The following RGS3 variants were observed in gnomAD, a reference collection of about 807,000 sequenced individuals.
The protein encoded by RGS3 is regulator of G-protein signalling 3.
A neutral mutation model predicts 132.6 loss-of-function variants in RGS3; 80 were observed. That is an observed-to-expected ratio of 0.60 (90% CI 0.50 to 0.73). The LOEUF is 0.73. RGS3 is among the 30% of genes least tolerant of loss of function. The probability of loss-of-function intolerance (pLI) is 0.00; values close to 1 mark genes in which losing one functional copy is unlikely to be tolerated. For missense variants in RGS3, 1,382 were observed against 1,530.8 expected (o/e 0.90, Z 1.62); for synonymous variants, 598 against 620.6 (o/e 0.96, Z 0.54).
intron 1 of RGS3, among the ~76,000 whole-genome samples, chr9:113,448,881 G>A (rs1024681772): frequency 2.0e-5 from 3 of 152,206 alleles, no homozygotes; most frequent in African/African-American, 7.2e-5. Context: ...ACCATTTAAG[G>A]CTGGGTTGGG....
chr9:113,512,380 C>T (rs1355091160), intron 14 of RGS3, among the ~76,000 whole-genome samples: 1 of 152,196 alleles, frequency 6.6e-6, no homozygotes, highest in Non-Finnish European at 1.5e-5. Context: ...GGCTCATGCT[C>T]ATTCTACTCC....
intron 6 of RGS3, 139 bp from the exon 5 acceptor site, chr9:113,485,482 TCTTA>T (rs1422388354): frequency 1.7e-6 from 1 of 603,356 alleles, no homozygotes; most frequent in Admixed American, 2.8e-5. Context: ...GGTAGTCATC[TCTTA>T]CTTTATTTGT....
At chr9:113,486,562 A>G (rs992514983) in intron 7 of RGS3, among the ~76,000 whole-genome samples, 1 of 152,226 alleles carries the variant, frequency 6.6e-6, no homozygotes, top group South Asian at 2.1e-4. Context: ...ACAGCAATGC[A>G]CTGCCATGGC....
upstream of RGS3, among the ~76,000 whole-genome samples, chr9:113,456,820 G>A (rs533994255): frequency 6.6e-6 from 1 of 151,238 alleles, no homozygotes; most frequent in African/African-American, 2.4e-5. Context: ...TTTTTTTTGA[G>A]ACAGAGTTTC....
At chr9:113,489,931 TC>T (rs1204475133) in intron 7 of RGS3, among the ~76,000 whole-genome samples, 1 of 152,198 alleles carries the variant, frequency 6.6e-6, no homozygotes, top group African/African-American at 2.4e-5. Flanking sequence ...ATTCTCACGA[TC>T]CTTCCAGGGA....
At chr9:113,536,761 C>G (rs1251339193) in intron 18 of RGS3, 35 bp from the exon 17 acceptor site, 2 of 1,608,028 alleles carry the variant, frequency 1.2e-6, no homozygotes, top group Admixed American at 3.3e-5. Flanking sequence ...GGGAGCAGCC[C>G]TGACCGTCCG....
At chr9:113,541,815 A>G in intron 19 of RGS3, 1 of 994,532 alleles carries the variant, frequency 1.0e-6, no homozygotes, top group South Asian at 4.5e-5. Flanking sequence ...TGCTGCTGCC[A>G]GAGGACATCT....
intron 3 of RGS3, among the ~76,000 whole-genome samples, chr9:113,469,245 G>T (rs1364037549): frequency 6.6e-6 from 1 of 152,080 alleles, no homozygotes; most frequent in Non-Finnish European, 1.5e-5. Context: ...CTGAACTGGA[G>T]GCCTTCAATG....
At chr9:113,482,857 C>T (rs558014010) in intron 4 of RGS3, 3 of 1,369,740 alleles carry the variant, frequency 2.2e-6, no homozygotes, top group Non-Finnish European at 2.9e-6. Flanking sequence ...ATGGCCTAGA[C>T]CAGAGCAGGT....
At chr9:113,484,255 C>G (rs12335991) in intron 6 of RGS3, 23 bp downstream of exon 4, 182,272 of 1,413,660 alleles carry the variant, frequency 0.13, 12,824 homozygotes, top group African/African-American at 0.2. Context: ...TGCAGCTGGG[C>G]CCTAGAAAGG....
At chr9:113,575,784 G>A (rs1189344688) in intron 19 of RGS3, among the ~76,000 whole-genome samples, 2 of 152,230 alleles carry the variant, frequency 1.3e-5, no homozygotes, top group East Asian at 1.9e-4. Flanking sequence ...CTGTGATGCA[G>A]TAGGTCTTAG....
At chr9:113,502,072 A>G (rs539956531) in intron 10 of RGS3, among the ~76,000 whole-genome samples, 2 of 152,278 alleles carry the variant, frequency 1.3e-5, no homozygotes, top group South Asian at 2.1e-4. Context: ...GTATATGTAC[A>G]TATGTATAAC....
At chr9:113,481,178 C>T (rs1367777296) in intron 4 of RGS3, among the ~76,000 whole-genome samples, 1 of 152,214 alleles carries the variant, frequency 6.6e-6, no homozygotes, top group Admixed American at 6.5e-5. Flanking sequence ...ATTATTTCCC[C>T]CTCCAGGAAT....
At chr9:113,595,016 C>G in intron 23 of RGS3, 36 bp downstream of exon 21, 1 of 1,593,774 alleles carries the variant, frequency 6.3e-7, no homozygotes, top group Non-Finnish European at 8.6e-7. Context: ...CCTGTGCCCT[C>G]TCTCCCTCTC....
At chr9:113,452,991 TATATAA>T (rs1225280693) in intron 1 of RGS3, among the ~76,000 whole-genome samples, 2 of 129,398 alleles carry the variant, frequency 1.5e-5, no homozygotes, top group Non-Finnish European at 3.2e-5. Context: ...TAATATATAA[TATATAA>T]ATATAAATAT....
At chr9:113,536,713 C>T (rs1226409422) in intron 18 of RGS3, 83 bp from the exon 17 acceptor site, 10 of 1,558,698 alleles carry the variant, frequency 6.4e-6, no homozygotes, top group Non-Finnish European at 8.7e-6. Flanking sequence ...CCCTCTGGAG[C>T]CCAGGGATGG....
rs1834677029 is a variant in RGS3, at chr9:113,579,249, ACC to A, written c.2038-4199_2038-4198del. 6.6e-6 allele frequency among the ~76,000 whole-genome samples: 1 copy of A among 152,066 alleles called. No homozygotes were observed. The highest frequency in any genetic ancestry group is 6.5e-5 in the Admixed American group (1 of 15,268). On this transcript the variant is annotated intron_variant, in intron 19 of 24. Coordinates refer to ENST00000350696, the Ensembl canonical transcript of RGS3. The surrounding 1 kb of genome is among the most constrained non-coding windows in gnomAD (Gnocchi z 4.3). ...AAGTCACTTTCAGCAGCCCACCACT[ACC>A]CTCAACCCAACATCCGGTGGGCATC...
intron 3 of RGS3, among the ~76,000 whole-genome samples, chr9:113,466,009 C>T (rs1019534899): frequency 2.5e-4 from 38 of 152,128 alleles, no homozygotes; most frequent in African/African-American, 8.0e-4. Flanking sequence ...GTTTCCAAAC[C>T]CAGCCAAATA....
In RGS3 at chr9:113,546,456, G is replaced by A. The variant is rs555731514; in HGVS notation, c.2037+9538G>A. ...CTTTGATTCTATTGTTGTCCGGTCC[G>A]TAGTAGGTGCTCAGTAGAGGTTGTA... On this transcript the variant is annotated intron_variant, in intron 19 of 24. Transcript: ENST00000350696. Among the ~76,000 whole-genome samples the A allele has an allele frequency of 2.4e-4, 37 of 152,280 alleles. No individual in the cohort carries two copies. The East Asian group carries it at 4.0e-3, about 17-fold the overall frequency.
Sources: allele counts gnomAD v4.1 joint callset (sites outside exome capture counted in the v4.1 genomes callset), GRCh38; gene constraint gnomAD v4.1.1; non-coding constraint Gnocchi (gnomAD v3.1); transcripts MANE v1.5; gene names NCBI Gene and HGNC (gene_info 2026-07-23, HGNC 2026-07-21).